FHIT: variants seen among roughly 807,000 people sequenced by gnomAD.
FHIT encodes fragile histidine triad diadenosine triphosphatase.
A neutral mutation model predicts 17.9 loss-of-function variants in FHIT; 19 were observed. That is an observed-to-expected ratio of 1.06 (90% CI 0.74 to 1.56). FHIT has a LOEUF of 1.56. Ranked by LOEUF, FHIT falls within the 40% of genes most tolerant of loss-of-function variation. The pLI is 0.00. For synonymous variants in FHIT, 81 were observed against 69.7 expected (o/e 1.16, Z -0.81); for missense variants, 248 against 189.2 (o/e 1.31, Z -1.82).
At chr3:60,248,849 A>G (rs1705539520) in intron 5 of FHIT, among the ~76,000 whole-genome samples, 1 of 152,142 alleles carries the variant, frequency 6.6e-6, no homozygotes, top group Admixed American at 6.5e-5. Flanking sequence ...ACCCCAATAC[A>G]GAAGATGTCC....
chr3:60,458,863 C>A (rs1002546877), intron 5 of FHIT, among the ~76,000 whole-genome samples: 2 of 152,086 alleles, frequency 1.3e-5, no homozygotes, highest in Non-Finnish European at 2.9e-5. Flanking sequence ...CAGCCTTGAA[C>A]TCCTAGGCTC....
At chr3:60,719,860 A>C (rs997624490) in intron 4 of FHIT, among the ~76,000 whole-genome samples, 4 of 152,064 alleles carry the variant, frequency 2.6e-5, no homozygotes, top group African/African-American at 9.7e-5. Flanking sequence ...CTTTCCCTTC[A>C]TTACCTTAGT....
At chr3:60,011,821 T>C (rs763446089) in intron 6 of FHIT, among the ~76,000 whole-genome samples, 1 of 152,176 alleles carries the variant, frequency 6.6e-6, no homozygotes, top group Non-Finnish European at 1.5e-5. Flanking sequence ...AGGAAGAATA[T>C]GGGGTATTTC....
intron 5 of FHIT, among the ~76,000 whole-genome samples, chr3:60,387,166 T>G (rs1205451455): frequency 1.3e-5 from 2 of 151,998 alleles, no homozygotes; most frequent in South Asian, 2.1e-4. Flanking sequence ...TTTTTTGTAT[T>G]TTTAGTTAGA....
chr3:60,207,656 A>G (rs1703263198), intron 5 of FHIT, among the ~76,000 whole-genome samples: 1 of 152,186 alleles, frequency 6.6e-6, no homozygotes, highest in Non-Finnish European at 1.5e-5. Flanking sequence ...CTCAATAAAA[A>G]TGCTATGATT....
At chr3:60,456,383 T>A (rs2032095352) in intron 5 of FHIT, among the ~76,000 whole-genome samples, 1 of 152,230 alleles carries the variant, frequency 6.6e-6, no homozygotes, top group Non-Finnish European at 1.5e-5. Flanking sequence ...AGAATTGAAT[T>A]GTTACTTCAC....
chr3:61,067,694 A>G (rs2034659784), intron 2 of FHIT, among the ~76,000 whole-genome samples: 1 of 152,170 alleles, frequency 6.6e-6, no homozygotes, highest in Non-Finnish European at 1.5e-5. Context: ...CAAGACCCAC[A>G]GTTTCAGGTA....
intron 5 of FHIT, among the ~76,000 whole-genome samples, chr3:60,184,409 G>C (rs1245016390): frequency 6.6e-6 from 1 of 151,994 alleles, no homozygotes; most frequent in Non-Finnish European, 1.5e-5. Context: ...TGTTTCTTAT[G>C]ACCTTAATAG....
intron 5 of FHIT, among the ~76,000 whole-genome samples, chr3:60,156,426 A>G (rs1214910183): frequency 6.6e-6 from 1 of 151,930 alleles, no homozygotes; most frequent in Non-Finnish European, 1.5e-5. Context: ...GTAGCTTTGC[A>G]TCGGAGATAC....
intron 2 of FHIT, among the ~76,000 whole-genome samples, chr3:61,080,287 T>G (rs192488072): frequency 6.6e-6 from 1 of 152,272 alleles, no homozygotes; most frequent in African/African-American, 2.4e-5. Context: ...AAGTTGTCAT[T>G]TAGAGATCTG....
At chr3:59,898,237 G>A (rs2107059342) in intron 8 of FHIT, among the ~76,000 whole-genome samples, 1 of 152,240 alleles carries the variant, frequency 6.6e-6, no homozygotes. Context: ...GTCCATATAA[G>A]ACATAAACAA....
intron 4 of FHIT, among the ~76,000 whole-genome samples, chr3:60,605,111 C>CAGAG (rs140136950): frequency 7.3e-5 from 11 of 150,208 alleles, no homozygotes; most frequent in East Asian, 3.9e-4. Flanking sequence ...CACACACACA[C>CAGAG]AGAGAGAGAG....
intron 3 of FHIT, among the ~76,000 whole-genome samples, chr3:60,863,475 T>C (rs1409651740): frequency 2.0e-5 from 3 of 152,210 alleles, no homozygotes; most frequent in Non-Finnish European, 2.9e-5. Flanking sequence ...TAAACCATTA[T>C]GCATTAAATA....
intron 2 of FHIT, among the ~76,000 whole-genome samples, chr3:61,072,926 A>C (rs2034853135): frequency 6.6e-6 from 1 of 152,182 alleles, no homozygotes; most frequent in African/African-American, 2.4e-5. Context: ...CAAGAAAGAA[A>C]GGGGTAAATG....
intron 4 of FHIT, among the ~76,000 whole-genome samples, chr3:60,796,109 T>A (rs1553730219): frequency 6.6e-6 from 1 of 152,074 alleles, no homozygotes; most frequent in East Asian, 1.9e-4. Flanking sequence ...TTATTCACTA[T>A]CATGAGAATA....
chr3:60,287,415 G>A (rs1276027377), intron 5 of FHIT, among the ~76,000 whole-genome samples: 1 of 151,888 alleles, frequency 6.6e-6, no homozygotes, highest in African/African-American at 2.4e-5. Flanking sequence ...GTGACCTGCT[G>A]GCCTCAGCCT....
intron 5 of FHIT, among the ~76,000 whole-genome samples, chr3:60,215,702 G>A (rs1703668017): frequency 6.6e-6 from 1 of 152,152 alleles, no homozygotes; most frequent in African/African-American, 2.4e-5. Context: ...AAAATGAATA[G>A]CTTTAGCAAT....
At chr3:60,128,391 G>A (rs13088055) in intron 5 of FHIT, among the ~76,000 whole-genome samples, 28,628 of 152,154 alleles carry the variant, frequency 0.19, 3,359 homozygotes, top group Non-Finnish European at 0.27. Flanking sequence ...ATCACGTGAA[G>A]AAGGACATGT....
intron 2 of FHIT, among the ~76,000 whole-genome samples, chr3:61,160,836 T>C (rs1389196389): frequency 2.0e-5 from 3 of 152,238 alleles, no homozygotes; most frequent in Non-Finnish European, 4.4e-5. Flanking sequence ...GATGAAGTTA[T>C]AAAGTTGCCT....
Sources: allele counts gnomAD v4.1 joint callset (sites outside exome capture counted in the v4.1 genomes callset), GRCh38; gene constraint gnomAD v4.1.1; transcripts MANE v1.5; gene names NCBI Gene and HGNC (gene_info 2026-07-23, HGNC 2026-07-21).